NLGN1: variants seen among roughly 807,000 people sequenced by gnomAD.
NLGN1 encodes the protein neuroligin-1.
A neutral mutation model predicts 65.5 loss-of-function variants in NLGN1; 12 were observed. That is an observed-to-expected ratio of 0.18 (90% CI 0.12 to 0.30). The LOEUF (loss-of-function observed/expected upper bound fraction) is 0.30, where lower values mean the gene tolerates loss of function less well. Among genes scored for constraint, NLGN1 ranks in the 10% least tolerant of loss-of-function variants. The pLI, the probability that NLGN1 is intolerant of heterozygous loss-of-function variation, is 1.00. For missense variants in NLGN1, 750 were observed against 1,007.1 expected (o/e 0.74, Z 3.46); for synonymous variants, 350 against 359.5 (o/e 0.97, Z 0.30).
intron 3 of NLGN1, among the ~76,000 whole-genome samples, chr3:173,794,440 C>A (rs1200632650): frequency 2.0e-5 from 3 of 152,096 alleles, no homozygotes; most frequent in South Asian, 2.1e-4. Context: ...ATTATTGATG[C>A]CATCCCAATC....
chr3:173,967,415 G>A (rs1361430970), intron 4 of NLGN1, among the ~76,000 whole-genome samples: 2 of 152,128 alleles, frequency 1.3e-5, no homozygotes, highest in African/African-American at 2.4e-5. Flanking sequence ...TTTTGAAATA[G>A]ATGTAGCTAG....
chr3:173,438,166 A>T lies in NLGN1; in HGVS notation c.-321+3088A>T, dbSNP rs113350203. Among the ~76,000 whole-genome samples, 1,181 of 150,790 alleles carry T rather than the reference A, an allele frequency of 7.8e-3. 14 individuals carry two copies. The highest frequency in any genetic ancestry group is 0.027 in the African/African-American group (1,103 of 40,352). On this transcript the variant is annotated intron_variant, in intron 2 of 6. Transcript: ENST00000457714. ...CCTTTGATGGTTTGGTTATTTTGAC[A>T]TAACTTTCACTTTAATGGTGGTTTT...
At chr3:173,792,591 T>A (rs2150370445) in intron 3 of NLGN1, among the ~76,000 whole-genome samples, 1 of 152,166 alleles carries the variant, frequency 6.6e-6, no homozygotes, top group East Asian at 1.9e-4. Flanking sequence ...ACACAAGGTC[T>A]AAGGATGAAG....
chr3:173,933,179 G>C (rs184789196), intron 4 of NLGN1, among the ~76,000 whole-genome samples: 11 of 152,238 alleles, frequency 7.2e-5, no homozygotes, highest in Non-Finnish European at 1.6e-4. Context: ...CAATATGAAA[G>C]AGATAAGAAG....
intron 3 of NLGN1, among the ~76,000 whole-genome samples, chr3:173,784,186 A>C (rs543526876): frequency 6.6e-6 from 1 of 152,306 alleles, no homozygotes; most frequent in East Asian, 1.9e-4. Context: ...CACTTGAGGA[A>C]ATAAGCCTTA....
intron 4 of NLGN1, among the ~76,000 whole-genome samples, chr3:174,029,510 G>T (rs1277968474): frequency 1.3e-5 from 2 of 152,288 alleles, no homozygotes; most frequent in Non-Finnish European, 2.9e-5. Context: ...GATTTTACAG[G>T]CTCACAGGTG....
intron 4 of NLGN1, among the ~76,000 whole-genome samples, chr3:174,176,620 G>A (rs1450857072): frequency 6.6e-6 from 1 of 151,938 alleles, no homozygotes; most frequent in African/African-American, 2.4e-5. Flanking sequence ...GATGTAAATT[G>A]TTCTGTTTGT....
chr3:173,420,303 G>A (rs113437594), intron 1 of NLGN1, among the ~76,000 whole-genome samples: 1,511 of 150,486 alleles, frequency 0.01, 28 homozygotes, highest in African/African-American at 0.034. Flanking sequence ...TTCAATTCCC[G>A]CCTATGAGTG....
At chr3:173,565,189 G>T (rs1201847971) in intron 2 of NLGN1, among the ~76,000 whole-genome samples, 1 of 152,188 alleles carries the variant, frequency 6.6e-6, no homozygotes, top group Admixed American at 6.5e-5. Flanking sequence ...TAGGCCTTAT[G>T]AGAAGGACAG....
At chr3:173,577,027 A>G (rs574772593) in intron 2 of NLGN1, among the ~76,000 whole-genome samples, 12 of 152,224 alleles carry the variant, frequency 7.9e-5, no homozygotes, top group African/African-American at 2.9e-4. Context: ...TAGTTAAGTC[A>G]TTTATCTTCT....
chr3:174,108,895 G>A (rs1248417617), intron 4 of NLGN1, among the ~76,000 whole-genome samples: 3 of 151,900 alleles, frequency 2.0e-5, no homozygotes, highest in Non-Finnish European at 4.4e-5. Context: ...CAAAGTCTCC[G>A]TCTCTGTCTC....
exon 3 of NLGN1, chr3:173,604,966 A>T (rs777154584): frequency 7.4e-6 from 12 of 1,613,602 alleles, no homozygotes; most frequent in African/African-American, 1.3e-5. Context: ...AATATCATTG[A>T]TGGCAGATTG....
chr3:173,648,967 A>G (rs1560104808), intron 3 of NLGN1, among the ~76,000 whole-genome samples: 1 of 152,218 alleles, frequency 6.6e-6, no homozygotes, highest in Admixed American at 6.5e-5. Flanking sequence ...GAATGTTCAT[A>G]GAACCTTTAT....
At chr3:173,850,698 A>G (rs2150735338) in intron 4 of NLGN1, among the ~76,000 whole-genome samples, 1 of 152,040 alleles carries the variant, frequency 6.6e-6, no homozygotes, top group East Asian at 1.9e-4. Context: ...GGTTATTTCT[A>G]AATTATTTTT....
chr3:174,234,869 A>G (rs1014117603), intron 4 of NLGN1, among the ~76,000 whole-genome samples: 5 of 152,158 alleles, frequency 3.3e-5, no homozygotes, highest in Middle Eastern at 3.4e-3. Context: ...TCTATTTTAA[A>G]ATATATAAGA....
At chr3:174,249,269 TAATTCAC>T (rs797009150) in intron 4 of NLGN1, among the ~76,000 whole-genome samples, 6 of 152,352 alleles carry the variant, frequency 3.9e-5, no homozygotes, top group African/African-American at 1.4e-4. Flanking sequence ...ATGACTGCTC[TAATTCAC>T]AAGTTACTTA....
At chr3:173,861,757 T>C (rs1483040235) in intron 4 of NLGN1, among the ~76,000 whole-genome samples, 1 of 151,878 alleles carries the variant, frequency 6.6e-6, no homozygotes, top group Admixed American at 6.6e-5. Context: ...TTTTTCATTT[T>C]ATTTATTTAT....
At chr3:173,522,217 G>A (rs1734874140) in intron 2 of NLGN1, among the ~76,000 whole-genome samples, 1 of 152,106 alleles carries the variant, frequency 6.6e-6, no homozygotes, top group Non-Finnish European at 1.5e-5. Context: ...TGATTCTTTT[G>A]TCTATGAGTT....
chr3:173,879,837 G>T (rs959932181), intron 4 of NLGN1, among the ~76,000 whole-genome samples: 1 of 152,034 alleles, frequency 6.6e-6, no homozygotes, highest in Non-Finnish European at 1.5e-5. Flanking sequence ...TGAGACAGTT[G>T]TTCCAATAGG....
Sources: allele counts gnomAD v4.1 joint callset (sites outside exome capture counted in the v4.1 genomes callset), GRCh38; gene constraint gnomAD v4.1.1; transcripts MANE v1.5; gene names NCBI Gene and HGNC (gene_info 2026-07-23, HGNC 2026-07-21).